The following NLGN1 variants were observed in gnomAD, a reference collection of about 807,000 sequenced individuals.
NLGN1 encodes neuroligin-1.
A neutral mutation model predicts 65.5 loss-of-function variants in NLGN1; 12 were observed. That is an observed-to-expected ratio of 0.18 (90% CI 0.12 to 0.30). The LOEUF is 0.30. Ranked by LOEUF, NLGN1 falls within the 10% of genes least tolerant of loss-of-function variation. The probability of loss-of-function intolerance (pLI) is 1.00; values close to 1 mark genes in which losing one functional copy is unlikely to be tolerated. For missense variants in NLGN1, 750 were observed against 1,007.1 expected (o/e 0.74, Z 3.46); for synonymous variants, 350 against 359.5 (o/e 0.97, Z 0.30).
At chr3:174,095,554 G>A (rs942684086) in intron 4 of NLGN1, among the ~76,000 whole-genome samples, 2 of 150,966 alleles carry the variant, frequency 1.3e-5, no homozygotes, top group African/African-American at 2.4e-5. Context: ...TATATAAAAC[G>A]TGTGTATGTA....
intron 2 of NLGN1, among the ~76,000 whole-genome samples, chr3:173,489,260 G>T (rs1268644055): frequency 6.6e-6 from 1 of 150,660 alleles, no homozygotes; most frequent in Non-Finnish European, 1.5e-5. Context: ...ACAGGCCCCA[G>T]TGTGTGATGT....
chr3:173,634,036 C>A (rs1157629826), intron 3 of NLGN1, among the ~76,000 whole-genome samples: 3 of 152,122 alleles, frequency 2.0e-5, no homozygotes, highest in Admixed American at 6.6e-5. Flanking sequence ...TAAAAACAAT[C>A]TACTCAAGGC....
chr3:173,997,264 G>A (rs1344142918), intron 4 of NLGN1, among the ~76,000 whole-genome samples: 1 of 151,954 alleles, frequency 6.6e-6, no homozygotes, highest in East Asian at 1.9e-4. Context: ...TGGTGATGAT[G>A]GAGGAACAAT....
intron 2 of NLGN1, among the ~76,000 whole-genome samples, chr3:173,562,788 G>A (rs1192722704): frequency 6.6e-6 from 1 of 152,022 alleles, no homozygotes; most frequent in African/African-American, 2.4e-5. Flanking sequence ...CACTCCTTTG[G>A]TTTTCTTCAT....
At chr3:173,609,478 T>C (rs978745352) in intron 3 of NLGN1, among the ~76,000 whole-genome samples, 3 of 152,004 alleles carry the variant, frequency 2.0e-5, no homozygotes, top group Non-Finnish European at 2.9e-5. Flanking sequence ...TTGGTTTGTC[T>C]GGTTGTCTAT....
At chr3:174,275,868 AGAT>A (rs1750453964) in intron 5 of NLGN1, among the ~76,000 whole-genome samples, 1 of 151,950 alleles carries the variant, frequency 6.6e-6, no homozygotes, top group Admixed American at 6.6e-5. Context: ...TCAAAATCAA[AGAT>A]GAGACTTTTT....
chr3:173,678,965 G>C (rs1763556882), intron 3 of NLGN1, among the ~76,000 whole-genome samples: 2 of 151,938 alleles, frequency 1.3e-5, no homozygotes, highest in Non-Finnish European at 2.9e-5. Context: ...TTAAGTGAGA[G>C]AAAAAGTATG....
intron 4 of NLGN1, among the ~76,000 whole-genome samples, chr3:173,843,208 A>C (rs1197879674): frequency 6.6e-6 from 1 of 152,198 alleles, no homozygotes. Context: ...TGCACACAGC[A>C]CAGGGACCCT....
At chr3:173,873,423 G>A (rs1731546361) in intron 4 of NLGN1, among the ~76,000 whole-genome samples, 1 of 152,048 alleles carries the variant, frequency 6.6e-6, no homozygotes, top group South Asian at 2.1e-4. Context: ...TTTAAGCTAA[G>A]AAGATGATTT....
chr3:173,995,974 C>T (rs773531544), intron 4 of NLGN1, among the ~76,000 whole-genome samples: 2 of 152,190 alleles, frequency 1.3e-5, no homozygotes, highest in Non-Finnish European at 2.9e-5. Context: ...GTGTAAGCCA[C>T]TGCACCCAAC....
intron 4 of NLGN1, among the ~76,000 whole-genome samples, chr3:173,926,526 C>T (rs768641215): frequency 2.0e-4 from 30 of 152,154 alleles, no homozygotes; most frequent in Non-Finnish European, 3.5e-4. Flanking sequence ...ACAAACCTAC[C>T]GGTGTATACA....
intron 2 of NLGN1, among the ~76,000 whole-genome samples, chr3:173,540,610 C>G (rs1467412779): frequency 6.6e-6 from 1 of 152,118 alleles, no homozygotes; most frequent in Non-Finnish European, 1.5e-5. Flanking sequence ...TCCATGAAAT[C>G]TTAAGCAGGG....
intron 2 of NLGN1, among the ~76,000 whole-genome samples, chr3:173,572,783 T>G (rs1421294237): frequency 6.6e-6 from 1 of 152,202 alleles, no homozygotes; most frequent in Non-Finnish European, 1.5e-5. Context: ...AGGATTTTGC[T>G]TACACTTCCC....
At chr3:173,552,613 A>G (rs1259164426) in intron 2 of NLGN1, among the ~76,000 whole-genome samples, 1 of 152,160 alleles carries the variant, frequency 6.6e-6, no homozygotes, top group Non-Finnish European at 1.5e-5. Flanking sequence ...GACTCTCCAC[A>G]AGGCCAGAGT....
At chr3:174,232,320 G>A (rs928953196) in intron 4 of NLGN1, among the ~76,000 whole-genome samples, 1 of 152,078 alleles carries the variant, frequency 6.6e-6, no homozygotes, top group Non-Finnish European at 1.5e-5. Context: ...GCAGGAACAG[G>A]CCATTTTCAC....
exon 7 of NLGN1, chr3:174,284,974 C>A (rs972865687): frequency 2.0e-5 from 3 of 151,154 alleles, no homozygotes; most frequent in African/African-American, 7.3e-5. Flanking sequence ...AAACAGATGG[C>A]ACTAATTTTC....
intron 1 of NLGN1, among the ~76,000 whole-genome samples, chr3:173,425,103 G>A (rs1715859805): frequency 6.6e-6 from 1 of 152,292 alleles, no homozygotes; most frequent in Admixed American, 6.5e-5. Flanking sequence ...GCAGGAGAGA[G>A]AGAGAGAAGA....
intron 4 of NLGN1, among the ~76,000 whole-genome samples, chr3:173,943,627 T>A (rs1579326873): frequency 6.6e-6 from 1 of 152,194 alleles, no homozygotes; most frequent in Non-Finnish European, 1.5e-5. Flanking sequence ...TGATTGAAGC[T>A]TTTGGAGGAA....
intron 4 of NLGN1, among the ~76,000 whole-genome samples, chr3:173,931,248 A>AT (rs1313610674): frequency 1.3e-5 from 2 of 152,164 alleles, no homozygotes; most frequent in Non-Finnish European, 2.9e-5. Flanking sequence ...CATGGAGCCT[A>AT]TGTCCTATTC....
Sources: gnomAD v4.1 joint callset for allele counts (sites outside exome capture counted in the v4.1 genomes callset) on GRCh38, gnomAD v4.1.1 for gene constraint, MANE v1.5 for transcripts, NCBI Gene and HGNC (gene_info 2026-07-23, HGNC 2026-07-21) for gene names.